Variants in FBXL17 observed in about 807,000 individuals in gnomAD.
The protein encoded by FBXL17 is F-box/LRR-repeat protein 17.
A neutral mutation model predicts 66.2 loss-of-function variants in FBXL17; 22 were observed. The observed-to-expected ratio is 0.33, with a 90% confidence interval of 0.24 to 0.47. FBXL17 has a LOEUF of 0.47. FBXL17 is among the 20% of genes least tolerant of loss of function. The pLI is 1.00. For synonymous variants in FBXL17, 474 were observed against 400.5 expected (o/e 1.18, Z -2.19); for missense variants, 878 against 948.2 (o/e 0.93, Z 0.97).
At chr5:108,380,531 A>G (rs1364652300) in intron 1 of FBXL17, among the ~76,000 whole-genome samples, 168 bp downstream of exon 1, 2 of 152,112 alleles carry the variant, frequency 1.3e-5, no homozygotes, top group Non-Finnish European at 2.9e-5. Context: ...TTCAAAAAAT[A>G]GGCCATAGGC....
intron 5 of FBXL17, among the ~76,000 whole-genome samples, chr5:108,204,135 A>G (rs1478405381): frequency 6.6e-6 from 1 of 152,108 alleles, no homozygotes; most frequent in African/African-American, 2.4e-5. Context: ...GCTGTTGATA[A>G]ATAAATATTA....
At chr5:107,888,244 A>T (rs941901938) in intron 7 of FBXL17, among the ~76,000 whole-genome samples, 1 of 152,150 alleles carries the variant, frequency 6.6e-6, no homozygotes, top group Non-Finnish European at 1.5e-5. Context: ...TTATTTATCA[A>T]CATGTTTGTC....
intron 7 of FBXL17, among the ~76,000 whole-genome samples, chr5:107,965,935 A>C (rs1333447363): frequency 6.6e-6 from 1 of 152,168 alleles, no homozygotes; most frequent in African/African-American, 2.4e-5. Flanking sequence ...AAAAAAATCA[A>C]GAGTCTAGTG....
In FBXL17 at chr5:108,088,647, G is replaced by A. The variant is rs1329479761; in HGVS notation, c.1746-67646C>T. On this transcript the variant is annotated intron_variant, in intron 6 of 8. Coordinates refer to ENST00000542267, the MANE Select transcript of FBXL17 (RefSeq NM_001163315.3). ...ACTTGGGAGGTGGAGGTTGCAGTGA[G>A]CCGAGATTGTGCCACTGCACTCCAG... Among the ~76,000 whole-genome samples the A allele has an allele frequency of 3.5e-5, 5 of 141,412 alleles. No individual in the cohort carries two copies. In the Admixed American group the frequency reaches 3.7e-4, roughly 11 times the overall value. The allele number at this position is 141,412 out of a possible 152,430, so 92.8% of individuals were successfully genotyped here.
At chr5:107,986,279 A>G (rs1348259098) in intron 7 of FBXL17, among the ~76,000 whole-genome samples, 1 of 151,972 alleles carries the variant, frequency 6.6e-6, no homozygotes, top group Non-Finnish European at 1.5e-5. Context: ...AACCTGAAAT[A>G]AACAATTATT....
At chr5:108,235,860 A>G (rs1212283020) in intron 4 of FBXL17, among the ~76,000 whole-genome samples, 1 of 152,214 alleles carries the variant, frequency 6.6e-6, no homozygotes, top group Non-Finnish European at 1.5e-5. Context: ...ATGCATGCCA[A>G]TGGCTTGCTG....
At chr5:108,151,575 A>G (rs1287887621) in intron 6 of FBXL17, among the ~76,000 whole-genome samples, 1 of 152,236 alleles carries the variant, frequency 6.6e-6, no homozygotes, top group Non-Finnish European at 1.5e-5. Flanking sequence ...GGCAGAGCAC[A>G]GCCATCTGTA....
intron 4 of FBXL17, chr5:108,299,557 T>A (rs768641591): frequency 7.7e-4 from 746 of 966,432 alleles, no homozygotes; most frequent in Non-Finnish European, 8.9e-4. Context: ...GATAAAGATA[T>A]ATTTTTCCAG....
At chr5:108,325,565 G>A (rs1318132643) in intron 4 of FBXL17, among the ~76,000 whole-genome samples, 1 of 152,014 alleles carries the variant, frequency 6.6e-6, no homozygotes, top group Admixed American at 6.6e-5. Context: ...AAAATAAGAA[G>A]AAAGGGAAAA....
intron 8 of FBXL17, chr5:107,880,014 A>G (rs1748732987): frequency 9.8e-6 from 6 of 613,514 alleles, no homozygotes; most frequent in Non-Finnish European, 1.2e-5. Flanking sequence ...TATAGGTAAA[A>G]CATGGAATAA....
chr5:108,151,384 A>C (rs1751765878), intron 6 of FBXL17, among the ~76,000 whole-genome samples: 1 of 152,250 alleles, frequency 6.6e-6, no homozygotes, highest in South Asian at 2.1e-4. Context: ...CAATCTGTCA[A>C]TCAAACTCCT....
At chr5:108,371,396 T>C (rs2112608514) in intron 1 of FBXL17, among the ~76,000 whole-genome samples, 1 of 152,334 alleles carries the variant, frequency 6.6e-6, no homozygotes, top group African/African-American at 2.4e-5. Context: ...TCCATCTTTC[T>C]AGCCAGATAA....
At chr5:107,951,073 G>A (rs1166811926) in intron 7 of FBXL17, among the ~76,000 whole-genome samples, 1 of 152,178 alleles carries the variant, frequency 6.6e-6, no homozygotes, top group Non-Finnish European at 1.5e-5. Context: ...GTGGTGAGCT[G>A]AGCACAGTTG....
At chr5:107,872,396 C>T (rs1314846547) in intron 8 of FBXL17, among the ~76,000 whole-genome samples, 1 of 152,170 alleles carries the variant, frequency 6.6e-6, no homozygotes, top group African/African-American at 2.4e-5. Flanking sequence ...TTTTTACAAT[C>T]CATTAAATTA....
At chr5:108,097,364 T>C (rs1267783844) in intron 6 of FBXL17, among the ~76,000 whole-genome samples, 1 of 152,188 alleles carries the variant, frequency 6.6e-6, no homozygotes, top group Non-Finnish European at 1.5e-5. Context: ...CTAATACATA[T>C]ATATTACTTG....
chr5:108,355,672 TG>T (rs2112519055), intron 3 of FBXL17, among the ~76,000 whole-genome samples: 1 of 152,236 alleles, frequency 6.6e-6, no homozygotes, highest in East Asian at 1.9e-4. Flanking sequence ...TGGTTATAAA[TG>T]TATATTGTGA....
At chr5:108,360,638 C>T (rs1466793597) in intron 3 of FBXL17, among the ~76,000 whole-genome samples, 2 of 152,058 alleles carry the variant, frequency 1.3e-5, no homozygotes, top group Non-Finnish European at 2.9e-5. Context: ...CACCAAATTT[C>T]GGAAGTTTGG....
intron 5 of FBXL17, among the ~76,000 whole-genome samples, chr5:108,219,794 T>TA (rs1754771637): frequency 6.6e-6 from 1 of 152,070 alleles, no homozygotes; most frequent in Non-Finnish European, 1.5e-5. Context: ...ATTGGCAAGT[T>TA]TTTTTTGATC....
intron 3 of FBXL17, among the ~76,000 whole-genome samples, chr5:108,363,910 T>C (rs79165354): frequency 6.6e-6 from 1 of 152,136 alleles, no homozygotes; most frequent in East Asian, 1.9e-4. Flanking sequence ...TTTAATATGT[T>C]TAAGAACTTC....
Sources: gnomAD v4.1 joint callset for allele counts (sites outside exome capture counted in the v4.1 genomes callset) on GRCh38, gnomAD v4.1.1 for gene constraint, MANE v1.5 for transcripts, NCBI Gene and HGNC (gene_info 2026-07-23, HGNC 2026-07-21) for gene names.